Variants in IL1RAPL1 observed in about 807,000 individuals in gnomAD.
IL1RAPL1 encodes interleukin 1 receptor accessory protein like 1, also known as interleukin-1 receptor accessory protein-like 1.
A neutral mutation model predicts 48.4 loss-of-function variants in IL1RAPL1; 3 were observed. The observed-to-expected ratio is 0.06, with a 90% CI of 0.03 to 0.16. The LOEUF (loss-of-function observed/expected upper bound fraction) is 0.16. IL1RAPL1 is among the 10% of genes least tolerant of loss of function. The pLI, the probability that IL1RAPL1 is intolerant of heterozygous loss-of-function variation, is 1.00. For synonymous variants in IL1RAPL1, 185 were observed against 187.7 expected, an observed-to-expected ratio of 0.99 and a Z score of 0.12; for missense variants, 349 against 530.6, an observed-to-expected ratio of 0.66 and a Z score of 3.36.
chrX:29,119,067 C>A (rs767285087), intron 2 of IL1RAPL1, among the ~76,000 whole-genome samples: 1 of 110,313 alleles, frequency 9.1e-6, no homozygotes, highest in Non-Finnish European at 1.9e-5. Context: ...AAAACTGAGT[C>A]TTTAGGATCA....
intron 1 of IL1RAPL1, among the ~76,000 whole-genome samples, chrX:28,782,894 C>T (rs1449413745): frequency 9.0e-6 from 1 of 111,696 alleles, no homozygotes; most frequent in African/African-American, 3.3e-5. Context: ...TTTATAACTT[C>T]TTCAGTTCTA....
At chrX:28,804,924 G>A (rs4633214) in intron 2 of IL1RAPL1, among the ~76,000 whole-genome samples, 51,344 of 109,895 alleles carry the variant, frequency 0.47, 8,702 homozygotes, top group Middle Eastern at 0.63. Flanking sequence ...TACAGAATAA[G>A]TGATGAGGGA....
chrX:29,548,142 C>T (rs780514095), intron 5 of IL1RAPL1, among the ~76,000 whole-genome samples: 2 of 112,544 alleles, frequency 1.8e-5, no homozygotes, highest in African/African-American at 3.2e-5. Flanking sequence ...AGATCTGAAA[C>T]GAAACACCTG....
chrX:29,282,165 G>A (rs984899308), intron 2 of IL1RAPL1, among the ~76,000 whole-genome samples: 2 of 111,792 alleles, frequency 1.8e-5, no homozygotes, highest in African/African-American at 6.5e-5. Flanking sequence ...TCAGGGGAGG[G>A]CACAAACATT....
intron 5 of IL1RAPL1, among the ~76,000 whole-genome samples, chrX:29,573,445 C>T (rs1922659191): frequency 8.9e-6 from 1 of 112,171 alleles, no homozygotes; most frequent in African/African-American, 3.2e-5. Flanking sequence ...AAATTCATTT[C>T]TTACTAGGTC....
intron 2 of IL1RAPL1, among the ~76,000 whole-genome samples, chrX:28,864,106 C>T (rs1371420847): frequency 2.7e-5 from 3 of 111,588 alleles, no homozygotes; most frequent in Non-Finnish European, 5.6e-5. Context: ...ATATCCAAAA[C>T]CTAAAATATT....
intron 2 of IL1RAPL1, among the ~76,000 whole-genome samples, chrX:29,054,339 T>C (rs1454608316): frequency 2.7e-5 from 3 of 111,635 alleles, no homozygotes; most frequent in African/African-American, 6.5e-5. Context: ...CTCCCTCACT[T>C]TATTCAGTCT....
At chrX:29,826,045 A>C (rs1930732346) in intron 6 of IL1RAPL1, among the ~76,000 whole-genome samples, 1 of 111,269 alleles carries the variant, frequency 9.0e-6, no homozygotes, top group Non-Finnish European at 1.9e-5. Context: ...GGAAAATGTG[A>C]CTGTCTTGCC....
At chrX:28,917,450 A>T (rs191706557) in intron 2 of IL1RAPL1, among the ~76,000 whole-genome samples, 41 of 112,044 alleles carry the variant, frequency 3.7e-4, no homozygotes, top group African/African-American at 1.3e-3. Flanking sequence ...GTATATTAAG[A>T]TTTAATTTTC....
intron 2 of IL1RAPL1, among the ~76,000 whole-genome samples, chrX:28,874,292 C>G (rs1416550213): frequency 1.8e-5 from 2 of 111,844 alleles, no homozygotes; most frequent in African/African-American, 6.5e-5. Context: ...TACATATATT[C>G]AAAATAGCAT....
At chrX:29,826,470 A>G (rs768213345) in intron 6 of IL1RAPL1, among the ~76,000 whole-genome samples, 3 of 111,900 alleles carry the variant, frequency 2.7e-5, no homozygotes, top group African/African-American at 9.7e-5. Context: ...ATCATCCATT[A>G]TTATCTAATT....
chrX:28,686,666 ATTAC>A (rs1446470336), intron 1 of IL1RAPL1, among the ~76,000 whole-genome samples: 2 of 112,252 alleles, frequency 1.8e-5, no homozygotes, highest in Non-Finnish European at 1.9e-5. Context: ...AATTGGGCAT[ATTAC>A]TTCATTTCTT....
chrX:29,941,416 A>G (rs559949682), intron 8 of IL1RAPL1, among the ~76,000 whole-genome samples: 37 of 112,071 alleles, frequency 3.3e-4, no homozygotes, highest in African/African-American at 1.2e-3. Flanking sequence ...CATTTTTACC[A>G]CAAGCAATGT....
intron 5 of IL1RAPL1, among the ~76,000 whole-genome samples, chrX:29,605,275 A>C (rs1173310809): frequency 9.0e-6 from 1 of 111,516 alleles, no homozygotes; most frequent in Non-Finnish European, 1.9e-5. Flanking sequence ...GGAAGCCATC[A>C]TGTCTTTAGA....
chrX:29,173,504 T>A (rs988884311), intron 2 of IL1RAPL1, among the ~76,000 whole-genome samples: 2 of 111,964 alleles, frequency 1.8e-5, no homozygotes, highest in Admixed American at 1.9e-4. Flanking sequence ...CTACTCTAAG[T>A]AAAGTCTCAT....
intron 6 of IL1RAPL1, among the ~76,000 whole-genome samples, chrX:29,904,835 G>A (rs187805905): frequency 2.7e-5 from 3 of 111,918 alleles, no homozygotes; most frequent in Non-Finnish European, 3.8e-5. Flanking sequence ...ATACACATAC[G>A]TGTGCATGCA....
chrX:28,861,641 C>T (rs1315836658), intron 2 of IL1RAPL1, among the ~76,000 whole-genome samples: 3 of 111,134 alleles, frequency 2.7e-5, no homozygotes, highest in African/African-American at 6.5e-5. Context: ...CAATGAAAAA[C>T]ATCCCGATTT....
chrX:29,817,559 T>C (rs1930524549), intron 6 of IL1RAPL1, among the ~76,000 whole-genome samples: 1 of 111,661 alleles, frequency 9.0e-6, no homozygotes, highest in African/African-American at 3.3e-5. Context: ...TCTGCAATGA[T>C]GTCTCTCTGG....
chrX:29,235,831 T>C (rs760297807), intron 2 of IL1RAPL1, among the ~76,000 whole-genome samples: 1 of 112,274 alleles, frequency 8.9e-6, no homozygotes, highest in East Asian at 2.8e-4. Context: ...TTTGAGTTAA[T>C]GAACTGATGT....
Sources: allele counts gnomAD v4.1 joint callset (sites outside exome capture counted in the v4.1 genomes callset), GRCh38; gene constraint gnomAD v4.1.1; transcripts MANE v1.5; gene names NCBI Gene and HGNC (gene_info 2026-07-23, HGNC 2026-07-21).